LY96: variants seen among roughly 807,000 people sequenced by gnomAD.
LY96 encodes the protein myeloid differentiation protein-2.
LY96 carries 18 observed loss-of-function variants against 18.9 expected under a neutral mutation model. That is an observed-to-expected ratio of 0.95 (90% CI 0.66 to 1.41). LY96 has a LOEUF of 1.41. Ranked by LOEUF, LY96 falls within the 40% of genes most tolerant of loss-of-function variation. The pLI is 0.00. For missense variants in LY96, 175 were observed against 182.4 expected (o/e 0.96, Z 0.23); for synonymous variants, 66 against 62.6 (o/e 1.06, Z -0.26).
At chr8:74,089,138 A>G in the LY96 span, among the ~76,000 whole-genome samples, 1 of 152,158 alleles carries the variant, frequency 6.6e-6, no homozygotes, top group African/African-American at 2.4e-5. Flanking sequence ...TCAGGGGCGA[A>G]GCTTCCTTCC....
the LY96 span, among the ~76,000 whole-genome samples, chr8:74,036,742 C>T: frequency 6.6e-6 from 1 of 152,176 alleles, no homozygotes; most frequent in Non-Finnish European, 1.5e-5. Flanking sequence ...ACTGCAGTGC[C>T]ATGGTCTCAG....
intron 2 of LY96, among the ~76,000 whole-genome samples, chr8:74,009,775 T>G (rs533483369): frequency 6.6e-6 from 1 of 152,346 alleles, no homozygotes; most frequent in South Asian, 2.1e-4. Context: ...ATAGTTTTAC[T>G]GTGGAACATT....
intron 3 of LY96, among the ~76,000 whole-genome samples, chr8:74,015,350 C>A (rs185679088): frequency 1.6e-4 from 25 of 152,272 alleles, no homozygotes; most frequent in Admixed American, 1.6e-3. Flanking sequence ...ACCAAGATAA[C>A]GAGGCCATGC....
chr8:74,043,647 T>C, the LY96 span, among the ~76,000 whole-genome samples: 9 of 152,326 alleles, frequency 5.9e-5, no homozygotes, highest in African/African-American at 2.2e-4. Context: ...ATACGTGGAT[T>C]ACATACACTG....
At chr8:74,001,257 T>G (rs1563710130) in intron 1 of LY96, among the ~76,000 whole-genome samples, 2 of 149,506 alleles carry the variant, frequency 1.3e-5, no homozygotes, top group Non-Finnish European at 3.0e-5. Flanking sequence ...ACAGTCTCGC[T>G]CTGTCATACA....
the LY96 span, chr8:74,056,775 AG>A: frequency 6.6e-6 from 1 of 152,336 alleles, no homozygotes; most frequent in African/African-American, 2.4e-5. Flanking sequence ...GGCCTGAATA[AG>A]TTTGAAAGTG....
chr8:74,070,173 G>A, the LY96 span, among the ~76,000 whole-genome samples: 1 of 151,294 alleles, frequency 6.6e-6, no homozygotes, highest in African/African-American at 2.4e-5. Context: ...CTCACTGCAA[G>A]CTCCGCCTCC....
rs986244512 is a variant in LY96 at position 74,010,095 on chromosome 8, T to C, written c.297T>C (p.Asp99=). The C allele has an allele frequency of 8.7e-6, 14 of 1,613,302 alleles. No individual in the cohort carries two copies. The highest frequency in any genetic ancestry group is 8.3e-5 in the Admixed American group (5 of 60,002). Residue 99 remains aspartate (D), a synonymous_variant, in exon 3 of 5, where the codon GAT becomes GAC. Transcript: ENST00000284818. ...KRKEVICRGS[D]DDYSFCRALK... ...AAGAAGTTATTTGCCGAGGATCTGA[T>C]GACGATTACTCTTTTTGCAGAGCTC...
chr8:73,995,152 C>T (rs902796840), intron 1 of LY96, among the ~76,000 whole-genome samples: 1 of 152,292 alleles, frequency 6.6e-6, no homozygotes, highest in East Asian at 1.9e-4. Flanking sequence ...CCCCTCTTGC[C>T]CTTCTGCTCT....
At chr8:74,016,240 C>T (rs939619695) in intron 3 of LY96, among the ~76,000 whole-genome samples, 4 of 152,202 alleles carry the variant, frequency 2.6e-5, no homozygotes, top group Non-Finnish European at 4.4e-5. Flanking sequence ...GGTCCCATGC[C>T]CACAGAGCCT....
chr8:74,018,645 T>G (rs576899366), intron 3 of LY96, among the ~76,000 whole-genome samples: 2 of 152,216 alleles, frequency 1.3e-5, no homozygotes, highest in Non-Finnish European at 2.9e-5. Flanking sequence ...ACATTGCACT[T>G]ATTCCAAAAT....
the LY96 span, among the ~76,000 whole-genome samples, chr8:74,082,963 G>A: frequency 3.3e-5 from 5 of 152,132 alleles, no homozygotes; most frequent in Non-Finnish European, 7.3e-5. Flanking sequence ...AGAAGGCTGA[G>A]GGAAAGGTGA....
intron 3 of LY96, among the ~76,000 whole-genome samples, chr8:74,018,987 G>A (rs1161761870): frequency 4.6e-5 from 7 of 152,066 alleles, no homozygotes; most frequent in African/African-American, 7.2e-5. Context: ...ATCTAAAATC[G>A]ACACCCTAAC....
At chr8:74,018,694 G>A (rs1285962608) in intron 3 of LY96, among the ~76,000 whole-genome samples, 2 of 152,130 alleles carry the variant, frequency 1.3e-5, no homozygotes, top group Non-Finnish European at 2.9e-5. Flanking sequence ...CTCAGCAAAT[G>A]TAAAAGAACA....
chr8:73,995,630 T>C (rs1816110854), intron 1 of LY96, among the ~76,000 whole-genome samples: 1 of 152,160 alleles, frequency 6.6e-6, no homozygotes, highest in South Asian at 2.1e-4. Context: ...CTCCCAGTTT[T>C]GGAAAAGGCA....
chr8:74,043,997 T>C, the LY96 span, among the ~76,000 whole-genome samples: 4 of 152,062 alleles, frequency 2.6e-5, no homozygotes, highest in African/African-American at 9.7e-5. Context: ...CTCAAATTCA[T>C]GGGCTAAAGG....
the LY96 span, among the ~76,000 whole-genome samples, chr8:74,075,750 T>C: frequency 6.6e-6 from 1 of 152,218 alleles, no homozygotes; most frequent in African/African-American, 2.4e-5. Context: ...TAATTTTCCT[T>C]CTTGGGAAAT....
chr8:74,076,402 C>A, the LY96 span, among the ~76,000 whole-genome samples: 1 of 151,616 alleles, frequency 6.6e-6, no homozygotes, highest in South Asian at 2.1e-4. Flanking sequence ...TGGCTCACTG[C>A]GACCTCCGCC....
chr8:74,083,887 A>G, the LY96 span, among the ~76,000 whole-genome samples: 1 of 151,236 alleles, frequency 6.6e-6, no homozygotes. Flanking sequence ...GGGTCTCACT[A>G]TGTTGTCGAG....
Sources: gnomAD v4.1 joint callset for allele counts (sites outside exome capture counted in the v4.1 genomes callset) on GRCh38, gnomAD v4.1.1 for gene constraint, MANE v1.5 for transcripts, NCBI Gene and HGNC (gene_info 2026-07-23, HGNC 2026-07-21) for gene names.